CCN4: variants seen among roughly 807,000 people sequenced by gnomAD.
CCN4 encodes CCN family member 4.
A neutral mutation model predicts 36.7 loss-of-function variants in CCN4; 30 were observed. That is an observed-to-expected ratio of 0.82 (90% CI 0.61 to 1.11). The LOEUF (loss-of-function observed/expected upper bound fraction) is 1.11. Among genes scored for constraint, CCN4 ranks in the 50% least tolerant of loss-of-function variants. CCN4 has a pLI of 0.00. For missense variants in CCN4, 505 were observed against 504.9 expected (o/e 1.00, Z 0.00); for synonymous variants, 191 against 195.4 (o/e 0.98, Z 0.19).
At chr8:133,205,425 T>TA (rs1307748180) in intron 1 of CCN4, among the ~76,000 whole-genome samples, 4 of 152,198 alleles carry the variant, frequency 2.6e-5, no homozygotes, top group African/African-American at 7.2e-5. Flanking sequence ...CTCCTTGACT[T>TA]ACGATCTTTT....
At chr8:133,207,187 T>G (rs1184642974) in intron 1 of CCN4, among the ~76,000 whole-genome samples, 2 of 152,228 alleles carry the variant, frequency 1.3e-5, no homozygotes, top group African/African-American at 2.4e-5. Context: ...ATGAGGCCCC[T>G]CCCAACCCTC....
At chr8:133,211,680 G>C (rs1854041682) in intron 1 of CCN4, among the ~76,000 whole-genome samples, 2 of 152,286 alleles carry the variant, frequency 1.3e-5, no homozygotes, top group Admixed American at 1.3e-4. Context: ...CCAGCCCCCT[G>C]TCCCAGCCCC....
chr8:133,214,569 G>A lies in CCN4; in HGVS notation c.349+1426G>A, dbSNP rs574496585. On this transcript the variant is annotated intron_variant, in intron 2 of 4. Transcript: ENST00000250160. ...CTTTGGTCTTCAAGTGCTCCATCACGGGTATTCTATCCTTTTTTGTTCCAA... is the reference window on the plus strand; with the variant it reads ...CTTTGGTCTTCAAGTGCTCCATCACAGGTATTCTATCCTTTTTTGTTCCAA... 5.1e-4 allele frequency among the ~76,000 whole-genome samples: 78 copies of A among 151,900 alleles called. 1 individual carries two copies. Among genetic ancestry groups the A allele is most frequent in the African/African-American group, 1.8e-3 (76 of 41,424 alleles).
At chr8:133,194,468 T>A (rs796558697) in intron 1 of CCN4, among the ~76,000 whole-genome samples, 236 of 23,576 alleles carry the variant, frequency 0.01, 5 homozygotes, top group African/African-American at 0.089. Flanking sequence ...GTGTGTGGGG[T>A]GTGTGTGTGT....
At chr8:133,194,663 T>A (rs1316091987) in intron 1 of CCN4, among the ~76,000 whole-genome samples, 4 of 51,674 alleles carry the variant, frequency 7.7e-5, no homozygotes, top group African/African-American at 2.8e-4. Context: ...GCGTGTGTGG[T>A]GGGGGATGTG....
chr8:133,200,066 G>A lies in CCN4; in HGVS notation c.69+8853G>A, dbSNP rs542696441. Reference sequence around the variant, plus strand: ...GTATCCTTGTGTGTCAGTCCCTTAGGCCAGTTCTGTTTCTCCCTATCTGAG... The same window carrying A: ...GTATCCTTGTGTGTCAGTCCCTTAGACCAGTTCTGTTTCTCCCTATCTGAG... On this transcript the variant is annotated intron_variant, in intron 1 of 4. Transcript: ENST00000250160. 3.3e-5 allele frequency among the ~76,000 whole-genome samples: 5 copies of A among 152,278 alleles called. No homozygotes were observed. The South Asian group carries it at 1.0e-3, about 32-fold the overall frequency.
intron 3 of CCN4, among the ~76,000 whole-genome samples, chr8:133,222,657 T>C (rs1854577182): frequency 6.6e-6 from 1 of 151,170 alleles, no homozygotes; most frequent in African/African-American, 2.4e-5. Flanking sequence ...AGAGGAGGGT[T>C]GGGATGTATG....
Position 133,220,677 on chromosome 8 carries a change from G to T in CCN4, c.446G>T (p.Gly149Val). The change falls in exon 3 of 5, where the codon GGC becomes GTC. Residue 149 changes from glycine to valine, a missense_variant. By Grantham distance (109) the Gly-to-Val change is moderately radical (BLOSUM62 -3). Transcript: ENST00000250160. ...NCKYNCTCIDGAVGCTPLCLR... is the reference protein window; with the variant it reads ...NCKYNCTCIDVAVGCTPLCLR... ...AAGTACAACTGCACGTGCATCGACG[G>T]CGCGGTGGGCTGCACACCACTGTGC... 2 of 1,614,046 alleles carry T rather than the reference G, an allele frequency of 1.2e-6. No individual in the cohort carries two copies. Among genetic ancestry groups the T allele is most frequent in the Non-Finnish European group, 1.7e-6 (2 of 1,179,994 alleles).
At chr8:133,220,287 G>A (rs1398004622) in intron 2 of CCN4, among the ~76,000 whole-genome samples, 1 of 152,180 alleles carries the variant, frequency 6.6e-6, no homozygotes, top group Non-Finnish European at 1.5e-5. Flanking sequence ...TGGGGACCCT[G>A]CAGGGAGCAA....
intron 1 of CCN4, among the ~76,000 whole-genome samples, chr8:133,207,288 G>A (rs1056372454): frequency 6.6e-6 from 1 of 152,222 alleles, no homozygotes; most frequent in Non-Finnish European, 1.5e-5. Flanking sequence ...TGGACTTCAG[G>A]GGAGAAGCAG....
At chr8:133,226,527 C>T (rs1011657830) in intron 4 of CCN4, among the ~76,000 whole-genome samples, 5 of 152,078 alleles carry the variant, frequency 3.3e-5, no homozygotes, top group African/African-American at 1.2e-4. Flanking sequence ...GTATTTTCTG[C>T]GCTTGGTATA....
intron 2 of CCN4, 97 bp downstream of exon 2, chr8:133,213,240 G>A (rs919066396): frequency 7.0e-7 from 1 of 1,434,366 alleles, no homozygotes. Context: ...CTTTCACCTG[G>A]CCAGGCTTCC....
Position 133,227,943 on chromosome 8 carries a change from C to A in CCN4, c.*233C>A, listed in dbSNP as rs1215458353. The stretch of plus-strand genomic sequence containing the variant: ...TCTAAAGAAAAATGCCTGTCTCTAG[C>A]TGTTCTGGACTACACCCAAGCCTGA... On this transcript the variant is annotated 3_prime_UTR_variant, in exon 5 of 5. Coordinates refer to ENST00000250160, the MANE Select transcript of CCN4 (RefSeq NM_003882.4). 6 of 515,326 alleles carry A rather than the reference C, an allele frequency of 1.2e-5. No individual in the cohort carries two copies. Among genetic ancestry groups the A allele is most frequent in the African/African-American group, 5.7e-5 (3 of 52,382 alleles). The allele number at this position is 515,326 out of a possible 1,614,324, so 31.9% of individuals were successfully genotyped here.
chr8:133,194,384 T>TGC (rs1853240577), intron 1 of CCN4, among the ~76,000 whole-genome samples: 1 of 64,780 alleles, frequency 1.5e-5, no homozygotes, highest in Admixed American at 2.1e-4. Flanking sequence ...GTGGGGTGTG[T>TGC]GTGTGGTGTG....
intron 1 of CCN4, among the ~76,000 whole-genome samples, chr8:133,212,380 AGGAGT>A: frequency 6.6e-6 from 1 of 152,104 alleles, no homozygotes; most frequent in Admixed American, 6.5e-5. Context: ...GGTATTAAGT[AGGAGT>A]CCTCTGACTC....
chr8:133,199,623 G>A (rs931458503), intron 1 of CCN4, among the ~76,000 whole-genome samples: 14 of 152,268 alleles, frequency 9.2e-5, no homozygotes, highest in Admixed American at 5.2e-4. Context: ...GCTGGCAGGC[G>A]CGCGTGGAGT....
At chr8:133,195,014 G>T (rs1339315006) in intron 1 of CCN4, among the ~76,000 whole-genome samples, 1 of 148,780 alleles carries the variant, frequency 6.7e-6, no homozygotes, top group Non-Finnish European at 1.5e-5. Context: ...TGTTGTGTGT[G>T]TGGTGTGTGG....
chr8:133,205,325 A>G (rs1853730879), intron 1 of CCN4, among the ~76,000 whole-genome samples: 1 of 152,216 alleles, frequency 6.6e-6, no homozygotes, highest in Non-Finnish European at 1.5e-5. Flanking sequence ...TGGAAATCCC[A>G]AGGCTGTTTT....
intron 3 of CCN4, among the ~76,000 whole-genome samples, chr8:133,223,521 T>C (rs1179715839): frequency 2.6e-5 from 4 of 152,218 alleles, no homozygotes; most frequent in Non-Finnish European, 1.5e-5. Flanking sequence ...ACCTTTCCTC[T>C]TTATCCTTCT....
Sources: allele counts gnomAD v4.1 joint callset (sites outside exome capture counted in the v4.1 genomes callset), GRCh38; gene constraint gnomAD v4.1.1; transcripts MANE v1.5; gene names NCBI Gene and HGNC (gene_info 2026-07-23, HGNC 2026-07-21).